MTURN: variants seen among roughly 807,000 people sequenced by gnomAD.
MTURN encodes maturin.
MTURN carries 7 observed loss-of-function variants against 14.9 expected under a neutral mutation model. The ratio of observed to expected loss-of-function variants is 0.47; its 90% CI spans 0.27 to 0.88. The LOEUF is 0.88. MTURN is among the 40% of genes least tolerant of loss of function. The pLI is 0.14. For missense variants in MTURN, 151 were observed against 174.1 expected (o/e 0.87, Z 0.75); for synonymous variants, 69 against 72.5 (o/e 0.95, Z 0.25).
intron 2 of MTURN, among the ~76,000 whole-genome samples, chr7:30,151,445 C>T (rs1421482017): frequency 2.0e-5 from 3 of 152,192 alleles, no homozygotes; most frequent in African/African-American, 4.8e-5. Context: ...GTGATCATGC[C>T]GTTCAGTTTT....
At chr7:30,135,793 G>T (rs1562565908) in intron 1 of MTURN, among the ~76,000 whole-genome samples, 1 of 152,206 alleles carries the variant, frequency 6.6e-6, no homozygotes, top group African/African-American at 2.4e-5. Flanking sequence ...CCCAGCCTCG[G>T]CTCCTCGCAT....
At chr7:30,147,593 C>G (rs575799426) in intron 2 of MTURN, among the ~76,000 whole-genome samples, 155 of 152,026 alleles carry the variant, frequency 1.0e-3, no homozygotes, top group South Asian at 2.9e-3. Flanking sequence ...TCCAGGTCAG[C>G]AAATGCCCCC....
At chr7:30,136,553 G>A (rs944141553) in intron 1 of MTURN, among the ~76,000 whole-genome samples, 3 of 152,156 alleles carry the variant, frequency 2.0e-5, no homozygotes, top group Admixed American at 6.5e-5. Context: ...GGAAGTTCGC[G>A]AAGGAGTTAG....
intron 2 of MTURN, among the ~76,000 whole-genome samples, chr7:30,155,512 G>A (rs1402998091): frequency 6.6e-6 from 1 of 152,210 alleles, no homozygotes; most frequent in African/African-American, 2.4e-5. Flanking sequence ...CTGCAAGGGA[G>A]ACAGGAGCCG....
At chr7:30,139,077 AG>A (rs781226317) in intron 1 of MTURN, among the ~76,000 whole-genome samples, 3 of 152,176 alleles carry the variant, frequency 2.0e-5, no homozygotes, top group Non-Finnish European at 4.4e-5. Flanking sequence ...ATGAGAGCAG[AG>A]GCCTTGTCTG....
intron 1 of MTURN, among the ~76,000 whole-genome samples, chr7:30,139,628 G>A (rs1037913216): frequency 6.6e-6 from 1 of 152,186 alleles, no homozygotes; most frequent in Admixed American, 6.5e-5. Flanking sequence ...AAGTGACAGA[G>A]CAAGGACTTG....
rs143869441 is a variant in MTURN, at chr7:30,142,688, C to T, written c.163-3489C>T. Among the ~76,000 whole-genome samples, 152 of 152,036 alleles carry T rather than the reference C, an allele frequency of 1.0e-3. 3 individuals carry two copies. The highest frequency in any genetic ancestry group is 7.6e-3 in the Admixed American group (117 of 15,296). On this transcript the variant is annotated intron_variant, in intron 1 of 2. Coordinates refer to ENST00000324453, the MANE Select transcript of MTURN (RefSeq NM_152793.3). ...ACTTTGCAATTTAAACTCTGCCCCC[C>T]CAGCACGCAACTCTGATCCACACTG...
chr7:30,146,157 C>G lies in MTURN; in HGVS notation c.163-20C>G. On this transcript the variant is annotated intron_variant, in intron 1 of 2. Coordinates refer to ENST00000324453, the MANE Select transcript of MTURN (RefSeq NM_152793.3). The stretch of plus-strand genomic sequence containing the variant: ...ACTGTGTGTCTTTGTTTTCTCCTTC[C>G]GTCGCCCGTGGGCACGCAGCACGTG... The G allele has an allele frequency of 6.2e-7, 1 of 1,613,342 alleles. No homozygotes were observed. Among genetic ancestry groups the G allele is most frequent in the South Asian group, 1.1e-5 (1 of 91,078 alleles).
At chr7:30,145,715 G>A (rs570804166) in intron 1 of MTURN, 29 of 1,052,722 alleles carry the variant, frequency 2.8e-5, no homozygotes, top group Admixed American at 1.3e-4. Flanking sequence ...CTCACAGGCC[G>A]ATCTGGGTAA....
At chr7:30,149,355 G>A (rs1005535155) in intron 2 of MTURN, among the ~76,000 whole-genome samples, 5 of 152,154 alleles carry the variant, frequency 3.3e-5, no homozygotes, top group African/African-American at 9.7e-5. Flanking sequence ...AGGCCTTGAC[G>A]TGGCACAGCA....
rs749509362 is a variant in MTURN, at chr7:30,140,394, GGT to G, written c.162+5117_162+5118del. On this transcript the variant is annotated intron_variant, in intron 1 of 2. Transcript: ENST00000324453. ...TTAATTTTACATGTGTTTGTAGAGG[GGT>G]GTGTGTGTGTGTGTGTGTGTATCCC... 6.1e-4 allele frequency among the ~76,000 whole-genome samples: 22 copies of G among 36,090 alleles called. No individual in the cohort carries two copies. The East Asian group carries it at 0.015, about 24-fold the overall frequency. 23.7% of individuals were successfully genotyped at this position (36,090 alleles called of 152,430 possible). A position where few individuals can be genotyped will look rare whatever the true frequency, so the allele number is the denominator to read the frequency against.
chr7:30,150,334 T>C (rs1014182903), intron 2 of MTURN, among the ~76,000 whole-genome samples: 3 of 152,154 alleles, frequency 2.0e-5, no homozygotes, highest in Non-Finnish European at 4.4e-5. Context: ...ATTTGCTAAG[T>C]GATTTCAACA....
At chr7:30,137,320 G>A (rs928358409) in intron 1 of MTURN, 4 of 240,518 alleles carry the variant, frequency 1.7e-5, no homozygotes, top group Non-Finnish European at 3.4e-5. Flanking sequence ...TTCCTGCTGG[G>A]ACCGCCCAGG....
intron 1 of MTURN, chr7:30,137,620 C>T (rs1305107958): frequency 2.1e-6 from 1 of 471,186 alleles, no homozygotes. Context: ...TCTCCAAGTT[C>T]TGGAGGCTCT....
rs1196113743 is a variant in MTURN, at chr7:30,139,256, A to G, written c.162+3958A>G. 2.0e-5 allele frequency among the ~76,000 whole-genome samples: 3 copies of G among 152,380 alleles called. No homozygotes were observed. In the East Asian group the frequency reaches 5.8e-4, roughly 29 times the overall value. ...AGCCATCACTTATGTTCAGTTTACT[A>G]TGTAGCAGACGCTGCTCTCGGCACT... On this transcript the variant is annotated intron_variant, in intron 1 of 2. Transcript: ENST00000324453.
intron 1 of MTURN, among the ~76,000 whole-genome samples, chr7:30,140,149 G>C (rs376465248): frequency 1.3e-5 from 2 of 152,144 alleles, no homozygotes; most frequent in South Asian, 4.1e-4. Flanking sequence ...TGAGGTCTCT[G>C]AACAAAGAGC....
At chr7:30,135,635 C>T (rs1454211115) in intron 1 of MTURN, among the ~76,000 whole-genome samples, 2 of 152,140 alleles carry the variant, frequency 1.3e-5, no homozygotes, top group African/African-American at 2.4e-5. Flanking sequence ...TGCGCGGTGC[C>T]TGGCATGGAG....
intron 2 of MTURN, among the ~76,000 whole-genome samples, chr7:30,155,038 T>C (rs964052121): frequency 6.6e-6 from 1 of 152,234 alleles, no homozygotes; most frequent in Non-Finnish European, 1.5e-5. Context: ...AGGGGTGTTA[T>C]GGAACAGAAT....
intron 2 of MTURN, among the ~76,000 whole-genome samples, chr7:30,154,669 T>C (rs1384695456): frequency 6.6e-6 from 1 of 152,238 alleles, no homozygotes; most frequent in East Asian, 1.9e-4. Flanking sequence ...CTCTGGCCTC[T>C]GGACTCTAGT....
Sources: allele counts gnomAD v4.1 joint callset (sites outside exome capture counted in the v4.1 genomes callset), GRCh38; gene constraint gnomAD v4.1.1; transcripts MANE v1.5; gene names NCBI Gene and HGNC (gene_info 2026-07-23, HGNC 2026-07-21).